Variants in NLRP6 observed in about 807,000 individuals in gnomAD.
NLRP6 encodes the protein NACHT, LRR and PYD domains-containing protein 6.
NLRP6 carries 55 observed loss-of-function variants against 70.9 expected under a neutral mutation model. That is an observed-to-expected ratio of 0.78 (90% CI 0.62 to 0.97). NLRP6 has a LOEUF of 0.97. Ranked by LOEUF, NLRP6 falls within the 50% of genes least tolerant of loss-of-function variation. The pLI is 0.00. For synonymous variants in NLRP6, 652 were observed against 581.9 expected (o/e 1.12, Z -1.73); for missense variants, 1,241 against 1,238.3 (o/e 1.00, Z -0.03).
rs1845471902 is a variant in NLRP6 at position 281,240 on chromosome 11, C to T, written c.1506C>T (p.Phe502=). 6.2e-7 allele frequency: 1 copy of T among 1,613,038 alleles called. No homozygotes were observed. The highest frequency in any genetic ancestry group is 8.5e-7 in the Non-Finnish European group (1 of 1,179,928). The change falls in exon 4 of 8, where the codon TTC becomes TTT. Residue 502 remains phenylalanine, a synonymous_variant. Coordinates refer to ENST00000534750, the MANE Select transcript of NLRP6 (RefSeq NM_001276700.2). ...CCTACCAGTTCATCGACCAGAGCTTCCAGGAGTTCCTCGCGGCACTGTCCT... is the reference window on the plus strand; with the variant it reads ...CCTACCAGTTCATCGACCAGAGCTTTCAGGAGTTCCTCGCGGCACTGTCCT... ...EVTYQFIDQS[F]QEFLAALSYL... is the part of the protein sequence containing the mutation.
chr11:279,773 C>A (rs1448809381), intron 2 of NLRP6, 61 bp from the exon 3 acceptor site: 55 of 1,530,098 alleles, frequency 3.6e-5, no homozygotes, highest in Non-Finnish European at 4.8e-5. Context: ...TGACTCGGAC[C>A]CCCGTGGCGC....
intron 4 of NLRP6, 125 bp from the exon 5 acceptor site, chr11:282,580 G>A (rs1845494148): frequency 2.7e-6 from 2 of 750,280 alleles, no homozygotes; most frequent in African/African-American, 3.4e-5. Flanking sequence ...TGAAGGGGGT[G>A]GCTCAGCAAG....
chr11:284,136 C>A, intron 5 of NLRP6, 94 bp from the exon 6 acceptor site: 1 of 1,166,854 alleles, frequency 8.6e-7, no homozygotes, highest in Middle Eastern at 1.9e-4. Context: ...CTCAGCTGAA[C>A]CCTGGGCCAC....
rs964906600 is a variant in NLRP6 at position 278,468 on chromosome 11, G to A, written c.-102G>A. 7 of 1,012,546 alleles carry A rather than the reference G, an allele frequency of 6.9e-6. No homozygotes were observed. In the Admixed American group the frequency reaches 8.7e-5, roughly 13 times the overall value. 62.7% of individuals were successfully genotyped at this position (1,012,546 alleles called of 1,614,324 possible). Reference sequence around the variant, plus strand: ...GTGGACCCGGGGAATGGACCGGGCTGGACAACCTCTAAGACTTGGCTCCAG... The same window carrying A: ...GTGGACCCGGGGAATGGACCGGGCTAGACAACCTCTAAGACTTGGCTCCAG... On this transcript the variant is annotated 5_prime_UTR_variant, in exon 1 of 8. Coordinates refer to ENST00000534750, the MANE Select transcript of NLRP6 (RefSeq NM_001276700.2). The surrounding 1 kb of genome is among the most constrained non-coding windows in gnomAD (Gnocchi z 4.7).
In NLRP6 at chr11:279,560, C is replaced by T. The variant is rs1845436351; in HGVS notation, c.263C>T (p.Ala88Val). ...GTGGCCCGCAAGACCCTCAAGAGGG[C>T]GGACGCGCGCGACGTGGCGGCGCAG... ...LEVARKTLKR[A>V]DARDVAAQLQ... Residue 88 changes from alanine (A) to valine (V), a missense_variant, in exon 2 of 8, where the codon GCG becomes GTG. By Grantham distance (64) the Ala-to-Val change is moderately conservative. Transcript: ENST00000534750. 1 of 1,430,496 alleles carries T rather than the reference C, an allele frequency of 7.0e-7. No homozygotes were observed. Among genetic ancestry groups the T allele is most frequent in the South Asian group, 1.4e-5 (1 of 69,406 alleles). 88.6% of individuals were successfully genotyped at this position (1,430,496 alleles called of 1,614,324 possible). A position where few individuals can be genotyped will look rare whatever the true frequency, so the allele number is the denominator to read the frequency against.
At position 280,762 on chromosome 11, in the gene NLRP6, G is replaced by T; in HGVS notation, c.1028G>T (p.Cys343Phe). ...RLQGRLCSPQ[C>F]AEVRGFSDKD... ...CAGGGCCGCCTGTGTTCCCCGCAGT[G>T]CGCCGAGGTGCGCGGCTTCTCCGAC... Residue 343 changes from cysteine to phenylalanine, a missense_variant, in exon 4 of 8, where the codon TGC becomes TTC. By Grantham distance (205) the Cys-to-Phe change is radical (BLOSUM62 -2). Transcript: ENST00000534750. 1 of 1,609,670 alleles carries T rather than the reference G, an allele frequency of 6.2e-7. No homozygotes were observed. Among genetic ancestry groups the T allele is most frequent in the Non-Finnish European group, 8.5e-7 (1 of 1,178,014 alleles).
In NLRP6 at chr11:281,656, T is replaced by A. The variant is rs1458499173; in HGVS notation, c.1922T>A (p.Phe641Tyr). 3 of 1,613,312 alleles carry A rather than the reference T, an allele frequency of 1.9e-6. No homozygotes were observed. The African/African-American group carries it at 4.0e-5, about 22-fold the overall frequency. Residue 641 changes from phenylalanine (F) to tyrosine (Y), a missense_variant, in exon 4 of 8, where the codon TTC (phenylalanine) becomes TAC (tyrosine). Physicochemically the swap from Phe to Tyr is conservative, Grantham distance 22. Transcript: ENST00000534750. Reference sequence around the variant, plus strand: ...TTTGTGCGCCAAGCCCTGTGCCGGTTCCCGGAGCTGGCGCTGCAGCGAGTG... The same window carrying A: ...TTTGTGCGCCAAGCCCTGTGCCGGTACCCGGAGCTGGCGCTGCAGCGAGTG... Reference protein sequence around the residue: ...DAFVRQALCRFPELALQRVRF... With the variant: ...DAFVRQALCRYPELALQRVRF...
Position 282,793 on chromosome 11 carries a change from C to T in NLRP6, c.2194C>T (p.Leu732Phe). 1 of 1,610,332 alleles carries T rather than the reference C, an allele frequency of 6.2e-7. No homozygotes were observed. Among genetic ancestry groups the T allele is most frequent in the Admixed American group, 1.7e-5 (1 of 60,024 alleles). Residue 732 changes from leucine to phenylalanine, a missense_variant, in exon 5 of 8, where the codon CTC becomes TTC. Coordinates refer to ENST00000534750, the MANE Select transcript of NLRP6 (RefSeq NM_001276700.2). Reference sequence around the variant, plus strand: ...TGACCCACTGTGCCATCTGAGCAGCCTCACGTGAGTGGCCACACCCCCAGC... The same window carrying T: ...TGACCCACTGTGCCATCTGAGCAGCTTCACGTGAGTGGCCACACCCCCAGC... Reference protein sequence around the residue: ...MTDPLCHLSSLTLSHCKLPDA... With the variant: ...MTDPLCHLSSFTLSHCKLPDA...
At position 280,340 on chromosome 11, in the gene NLRP6, C is replaced by G. The variant is rs767890903; in HGVS notation, c.606C>G (p.Gly202=). Residue 202 remains glycine (G), a synonymous_variant, in exon 4 of 8, where the codon GGC becomes GGG. Transcript: ENST00000534750. ...GRRPLTVVLQ[G]PAGIGKTMAA... ...GGCCGCTGACCGTGGTGCTGCAGGGCCCGGCGGGCATCGGCAAGACCATGG... is the reference window on the plus strand; with the variant it reads ...GGCCGCTGACCGTGGTGCTGCAGGGGCCGGCGGGCATCGGCAAGACCATGG... 2 of 1,520,178 alleles carry G rather than the reference C, an allele frequency of 1.3e-6. No individual in the cohort carries two copies. The highest frequency in any genetic ancestry group is 1.2e-5 in the South Asian group (1 of 81,240). 94.2% of individuals were successfully genotyped at this position (1,520,178 alleles called of 1,614,324 possible). A position where few individuals can be genotyped will look rare whatever the true frequency, so the allele number is the denominator to read the frequency against.
rs978002556 is a variant in NLRP6 at position 281,764 on chromosome 11, G to A, written c.2030G>A (p.Cys677Tyr). ...PAGQALRLISCRLVAAQEKKK... is the reference protein window; with the variant it reads ...PAGQALRLISYRLVAAQEKKK... ...GGACAGGCACTGCGGCTGATCAGCTGCAGATTGGTTGCTGCGCAGGAGAAG... is the reference window on the plus strand; with the variant it reads ...GGACAGGCACTGCGGCTGATCAGCTACAGATTGGTTGCTGCGCAGGAGAAG... Residue 677 changes from cysteine (C) to tyrosine (Y), a missense_variant, in exon 4 of 8, where the codon TGC becomes TAC. Transcript: ENST00000534750. The A allele has an allele frequency of 1.1e-5, 18 of 1,610,262 alleles. No homozygotes were observed. Among genetic ancestry groups the A allele is most frequent in the Non-Finnish European group, 1.5e-5 (18 of 1,179,394 alleles).
At chr11:283,834 C>A (rs1389922130) in intron 5 of NLRP6, among the ~76,000 whole-genome samples, 2 of 151,496 alleles carry the variant, frequency 1.3e-5, no homozygotes, top group African/African-American at 4.9e-5. Flanking sequence ...CCCAGCAATT[C>A]TGCTGGTAAA....
chr11:279,818 C>A lies in NLRP6; in HGVS notation c.311-16C>A, dbSNP rs1000896712. 4.4e-6 allele frequency: 7 copies of A among 1,586,028 alleles called. No homozygotes were observed. Among genetic ancestry groups the A allele is most frequent in the Non-Finnish European group, 6.0e-6 (7 of 1,168,968 alleles). ...TTCCCGCCCTCGGCGGAACCTCACC[C>A]CAGTTTCCCTTCCAGGGCTCGGGCT... On this transcript the variant is annotated splice_polypyrimidine_tract_variant and intron_variant, in intron 2 of 7. Transcript: ENST00000534750.
chr11:285,049 A>G (rs4029217), intron 7 of NLRP6, 117 bp from the exon 8 acceptor site: 681,447 of 819,476 alleles, frequency 0.83, 286,020 homozygotes, highest in Middle Eastern at 0.88. Flanking sequence ...CAGCCCGGCC[A>G]CCCCCACGGC....
Position 284,518 on chromosome 11 carries a change from G to A in NLRP6, c.2413G>A (p.Gly805Ser), listed in dbSNP as rs768102157. 1.2e-6 allele frequency: 2 copies of A among 1,613,048 alleles called. No homozygotes were observed. The highest frequency in any genetic ancestry group is 2.2e-5 in the East Asian group (1 of 44,880). The change falls in exon 7 of 8, where the codon GGT becomes AGT. Residue 805 changes from glycine (G) to serine (S), a missense_variant. Coordinates refer to ENST00000534750, the MANE Select transcript of NLRP6 (RefSeq NM_001276700.2). ...CCAGCGAGGGCTCCAGTACCTGGTG[G>A]GTATGCTTCGGCAGAGCCCTGCCCT... ...DPQRGLQYLV[G>S]MLRQSPALTT...
In NLRP6 at chr11:280,754, C is replaced by T; in HGVS notation, c.1020C>T (p.Ser340=). The change falls in exon 4 of 8, where the codon TCC becomes TCT. Residue 340 remains serine (S), a synonymous_variant. Transcript: ENST00000534750. ...APGRLQGRLC[S]PQCAEVRGFS... ...GGAGGCTGCAGGGCCGCCTGTGTTC[C>T]CCGCAGTGCGCCGAGGTGCGCGGCT... 6.2e-7 allele frequency: 1 copy of T among 1,607,712 alleles called. No homozygotes were observed. The highest frequency in any genetic ancestry group is 8.5e-7 in the Non-Finnish European group (1 of 1,176,946).
Position 279,544 on chromosome 11 carries a change from A to G in NLRP6, c.247A>G (p.Lys83Glu), listed in dbSNP as rs940396863. 20 of 1,442,992 alleles carry G rather than the reference A, an allele frequency of 1.4e-5. No individual in the cohort carries two copies. The East Asian group carries it at 1.5e-4, about 11-fold the overall frequency. 89.4% of individuals were successfully genotyped at this position (1,442,992 alleles called of 1,614,324 possible). The change falls in exon 2 of 8, where the codon AAG becomes GAG. Residue 83 changes from lysine (K) to glutamate (E), a missense_variant. By Grantham distance (56) the Lys-to-Glu change is moderately conservative. Transcript: ENST00000534750. ...GPEPALEVAR[K>E]TLKRADARDV... Reference sequence around the variant, plus strand: ...GGAGCCTGCCCTGGAGGTGGCCCGCAAGACCCTCAAGAGGGCGGACGCGCG... The same window carrying G: ...GGAGCCTGCCCTGGAGGTGGCCCGCGAGACCCTCAAGAGGGCGGACGCGCG...
rs1472534425 is a variant in NLRP6 at position 281,356 on chromosome 11, T to G, written c.1622T>G (p.Val541Gly). ...GACGCCCAGCCGCACAGCCACTTGG[T>G]GCTCACCACGCGCTTCCTCTTCGGA... The part of the protein sequence containing the change: ...RGDAQPHSHL[V>G]LTTRFLFGLL... The change falls in exon 4 of 8, where the codon GTG becomes GGG. Residue 541 changes from valine to glycine, a missense_variant. Physicochemically the swap from Val to Gly is moderately radical, Grantham distance 109. Coordinates refer to ENST00000534750, the MANE Select transcript of NLRP6 (RefSeq NM_001276700.2). 1 of 1,611,096 alleles carries G rather than the reference T, an allele frequency of 6.2e-7. No homozygotes were observed. The highest frequency in any genetic ancestry group is 1.1e-5 in the South Asian group (1 of 90,926).
Position 281,362 on chromosome 11 carries a change from C to T in NLRP6, c.1628C>T (p.Thr543Ile). ...CAGCCGCACAGCCACTTGGTGCTCACCACGCGCTTCCTCTTCGGACTGCTG... is the reference window on the plus strand; with the variant it reads ...CAGCCGCACAGCCACTTGGTGCTCATCACGCGCTTCCTCTTCGGACTGCTG... ...DAQPHSHLVL[T>I]TRFLFGLLSA... Residue 543 changes from threonine to isoleucine, a missense_variant, in exon 4 of 8, where the codon ACC becomes ATC. Thr to Ile is a moderately conservative substitution (Grantham distance 89, BLOSUM62 -1). Coordinates refer to ENST00000534750, the MANE Select transcript of NLRP6 (RefSeq NM_001276700.2). 6.2e-7 allele frequency: 1 copy of T among 1,610,820 alleles called. No homozygotes were observed. Among genetic ancestry groups the T allele is most frequent in the Non-Finnish European group, 8.5e-7 (1 of 1,179,148 alleles).
chr11:282,154 G>A (rs760409037), intron 4 of NLRP6, among the ~76,000 whole-genome samples: 2 of 152,100 alleles, frequency 1.3e-5, no homozygotes, highest in Non-Finnish European at 2.9e-5. Context: ...GATGCCCTCT[G>A]TCCAGAGCCT....
Sources: allele counts gnomAD v4.1 joint callset (sites outside exome capture counted in the v4.1 genomes callset), GRCh38; gene constraint gnomAD v4.1.1; non-coding constraint Gnocchi (gnomAD v3.1); transcripts MANE v1.5; gene names NCBI Gene and HGNC (gene_info 2026-07-23, HGNC 2026-07-21).